Variants in UTP23 observed in about 807,000 individuals in gnomAD.
UTP23 encodes UTP23 small subunit processome component.
Under a neutral mutation model 19.8 loss-of-function variants are expected in UTP23, and 10 were observed. The observed-to-expected ratio is 0.50, with a 90% CI of 0.31 to 0.86. UTP23 has a LOEUF of 0.86. Ranked by LOEUF, UTP23 falls within the 40% of genes least tolerant of loss-of-function variation. The probability of loss-of-function intolerance (pLI) is 0.05; values close to 1 mark genes in which losing one functional copy is unlikely to be tolerated. For missense variants in UTP23, 282 were observed against 293.1 expected (o/e 0.96, Z 0.28); for synonymous variants, 108 against 105.4 (o/e 1.02, Z -0.15).
Position 116,766,529 on chromosome 8 carries a change from T to G in UTP23, c.-75T>G. 2.0e-6 allele frequency: 3 copies of G among 1,471,116 alleles called. No homozygotes were observed. The highest frequency in any genetic ancestry group is 2.7e-6 in the Non-Finnish European group (3 of 1,100,594). 91.1% of individuals were successfully genotyped at this position (1,471,116 alleles called of 1,614,324 possible). A position where few individuals can be genotyped will look rare whatever the true frequency, so the allele number is the denominator to read the frequency against. ...CTTCATTTCCGGGTGAAACTGGCATTGAGGGTACTGGGGCGTGCGTGAGGC... is the reference window on the plus strand; with the variant it reads ...CTTCATTTCCGGGTGAAACTGGCATGGAGGGTACTGGGGCGTGCGTGAGGC... On this transcript the variant is annotated 5_prime_UTR_variant, in exon 1 of 3. In the 5' UTR this introduces an upstream ATG that the reference lacks. Coordinates refer to ENST00000309822, the MANE Select transcript of UTP23 (RefSeq NM_032334.3).
rs763459131 is a variant in UTP23, at chr8:116,770,320, C to T, written c.317C>T (p.Ser106Phe). 5 of 1,613,844 alleles carry T rather than the reference C, an allele frequency of 3.1e-6. No homozygotes were observed. Among genetic ancestry groups the T allele is most frequent in the Non-Finnish European group, 4.2e-6 (5 of 1,179,810 alleles). Residue 106 changes from serine (S) to phenylalanine (F), a missense_variant, in exon 2 of 3, where the codon TCC becomes TTC. Physicochemically the swap from Ser to Phe is radical, Grantham distance 155. Coordinates refer to ENST00000309822, the MANE Select transcript of UTP23 (RefSeq NM_032334.3). ...NAVSGSECLL[S>F]MVEEGNPHHY... ...GTGAGTGGATCAGAATGTCTGCTTTCCATGGTTGAAGAGGGAAATCCTCAT... is the reference window on the plus strand; with the variant it reads ...GTGAGTGGATCAGAATGTCTGCTTTTCATGGTTGAAGAGGGAAATCCTCAT...
intron 1 of UTP23, among the ~76,000 whole-genome samples, chr8:116,769,794 G>A (rs1263667325): frequency 6.6e-6 from 1 of 152,162 alleles, no homozygotes; most frequent in Non-Finnish European, 1.5e-5. Context: ...CGCTATGGTT[G>A]GGACAAGGGA....
chr8:116,767,904 A>G (rs577678085), intron 1 of UTP23, among the ~76,000 whole-genome samples: 2 of 152,304 alleles, frequency 1.3e-5, no homozygotes, highest in Non-Finnish European at 1.5e-5. Context: ...AGTTCTTTAT[A>G]CACACTCACA....
At chr8:116,770,565 G>T in intron 2 of UTP23, 199 bp downstream of exon 2, 1 of 484,252 alleles carries the variant, frequency 2.1e-6, no homozygotes, top group Non-Finnish European at 3.5e-6. Context: ...CTTTTTAGTA[G>T]TGGAAGGTTG....
chr8:116,766,830 G>A (rs114745053), intron 1 of UTP23, 39 bp downstream of exon 1: 20 of 1,473,162 alleles, frequency 1.4e-5, no homozygotes, highest in Non-Finnish European at 1.7e-5. Context: ...CAGAGGGTCC[G>A]TCGGGTGTTG....
At chr8:116,770,031 C>A in intron 1 of UTP23, 161 bp from the exon 2 acceptor site, 1 of 627,188 alleles carries the variant, frequency 1.6e-6, no homozygotes, top group Non-Finnish European at 2.6e-6. Flanking sequence ...GTTCTTCCTA[C>A]TTGGTAAATG....
chr8:116,772,391 C>G lies in UTP23; in HGVS notation c.*549C>G, dbSNP rs1815669974. The G allele has an allele frequency of 1.0e-6, 1 of 966,608 alleles. No individual in the cohort carries two copies. Among genetic ancestry groups the G allele is most frequent in the Admixed American group, 6.2e-5 (1 of 16,236 alleles). 59.9% of individuals were successfully genotyped at this position (966,608 alleles called of 1,614,324 possible). On this transcript the variant is annotated 3_prime_UTR_variant, in exon 3 of 3. Coordinates refer to ENST00000309822, the MANE Select transcript of UTP23 (RefSeq NM_032334.3). Reference sequence around the variant, plus strand: ...AGAGGCAGTCCCTCTTTCACATTGACAGAAGAAACTTCCTCTTTCAATTCT... The same window carrying G: ...AGAGGCAGTCCCTCTTTCACATTGAGAGAAGAAACTTCCTCTTTCAATTCT...
rs1430697721 is a variant in UTP23, at chr8:116,766,686, T to A, written c.83T>A (p.Ile28Asn). 1.9e-6 allele frequency: 3 copies of A among 1,613,652 alleles called. No individual in the cohort carries two copies. The African/African-American group carries it at 4.0e-5, about 22-fold the overall frequency. Residue 28 changes from isoleucine (I) to asparagine (N), a missense_variant, in exon 1 of 3, where the codon ATC becomes AAC. Transcript: ENST00000309822. ...NNFGVREPYQILLDGTFCQAA... is the reference protein window; with the variant it reads ...NNFGVREPYQNLLDGTFCQAA... The stretch of plus-strand genomic sequence containing the variant: ...TTCGGAGTCCGCGAGCCGTACCAGA[T>A]CCTGCTGGACGGCACCTTCTGTCAG...
At chr8:116,768,791 A>G (rs1815616866) in intron 1 of UTP23, among the ~76,000 whole-genome samples, 1 of 152,132 alleles carries the variant, frequency 6.6e-6, no homozygotes, top group Admixed American at 6.6e-5. Context: ...CAGCCTCCCA[A>G]GTAGCTGAGA....
In UTP23 at chr8:116,774,204, TTAAAAA is replaced by T; in HGVS notation, c.*2366_*2371del. 2.0e-6 allele frequency: 2 copies of T among 985,468 alleles called. No homozygotes were observed. Among genetic ancestry groups the T allele is most frequent in the Non-Finnish European group, 2.4e-6 (2 of 829,940 alleles). The allele number at this position is 985,468 out of a possible 1,614,324, so 61.0% of individuals were successfully genotyped here. Reference sequence around the variant, plus strand: ...GAAGACCACTATCTTTTACGAACACTTAAAAATAAGTGTTTGCAGTTGTGTATGGGC... The same window carrying T: ...GAAGACCACTATCTTTTACGAACACTTAAGTGTTTGCAGTTGTGTATGGGC... On this transcript the variant is annotated 3_prime_UTR_variant, in exon 3 of 3. Coordinates refer to ENST00000309822, the MANE Select transcript of UTP23 (RefSeq NM_032334.3).
chr8:116,774,304 A>T lies in UTP23; in HGVS notation c.*2462A>T. 1 of 985,354 alleles carries T rather than the reference A, an allele frequency of 1.0e-6. No homozygotes were observed. The highest frequency in any genetic ancestry group is 1.7e-5 in the African/African-American group (1 of 57,340). 61.0% of individuals were successfully genotyped at this position (985,354 alleles called of 1,614,324 possible). ...CTTATCCCTGCAAGTATATAAATTA[A>T]AACCAAGTCACTTTAGAACAGCTTT... On this transcript the variant is annotated 3_prime_UTR_variant, in exon 3 of 3. Transcript: ENST00000309822.
At position 116,770,212 on chromosome 8, in the gene UTP23, A is replaced by G; in HGVS notation, c.209A>G (p.Glu70Gly). 1 of 1,611,372 alleles carries G rather than the reference A, an allele frequency of 6.2e-7. No homozygotes were observed. The highest frequency in any genetic ancestry group is 1.3e-5 in the African/African-American group (1 of 75,044). The change falls in exon 2 of 3, where the codon GAA becomes GGA. Residue 70 changes from glutamate to glycine, a missense_variant. Coordinates refer to ENST00000309822, the MANE Select transcript of UTP23 (RefSeq NM_032334.3). ...CTTRCVLKEL[E>G]TLGKDLYGAK... ...TTCAGATGTGTGTTAAAAGAGCTAG[A>G]AACATTGGGAAAGGACTTATATGGG...
chr8:116,768,317 A>G (rs906180200), intron 1 of UTP23, among the ~76,000 whole-genome samples: 2 of 152,218 alleles, frequency 1.3e-5, no homozygotes, highest in African/African-American at 4.8e-5. Context: ...CCTGTGTGCC[A>G]TAGAAATATT....
Position 116,770,420 on chromosome 8 carries a change from A to C in UTP23, c.363+54A>C. 3 of 1,507,686 alleles carry C rather than the reference A, an allele frequency of 2.0e-6. No individual in the cohort carries two copies. The South Asian group carries it at 3.9e-5, about 19-fold the overall frequency. 93.4% of individuals were successfully genotyped at this position (1,507,686 alleles called of 1,614,324 possible). A position where few individuals can be genotyped will look rare whatever the true frequency, so the allele number is the denominator to read the frequency against. ...TTTTCACCATTTCTATTTATACTTC[A>C]TATGGAGCTATTTATAATCAGAAAA... On this transcript the variant is annotated intron_variant, in intron 2 of 2. Transcript: ENST00000309822.
intron 1 of UTP23, among the ~76,000 whole-genome samples, chr8:116,767,881 G>A (rs1460135934): frequency 6.6e-6 from 1 of 152,168 alleles, no homozygotes. Context: ...AACATGTGCA[G>A]TGTCATCCAT....
intron 1 of UTP23, chr8:116,767,024 T>G: frequency 2.2e-6 from 1 of 450,576 alleles, no homozygotes; most frequent in Non-Finnish European, 3.9e-6. Flanking sequence ...TGAGAGCACA[T>G]TATAGCAGAG....
At chr8:116,770,403 A>T (rs781008574) in intron 2 of UTP23, 37 bp downstream of exon 2, 1 of 1,564,394 alleles carries the variant, frequency 6.4e-7, no homozygotes, top group African/African-American at 1.4e-5. Context: ...AATTTTCACC[A>T]TTTCTATTTA....
At chr8:116,770,406 T>C in intron 2 of UTP23, 40 bp downstream of exon 2, 1 of 1,566,250 alleles carries the variant, frequency 6.4e-7, no homozygotes, top group Non-Finnish European at 8.7e-7. Context: ...TTTCACCATT[T>C]CTATTTATAC....
intron 1 of UTP23, among the ~76,000 whole-genome samples, chr8:116,768,121 C>G (rs1196002854): frequency 6.6e-6 from 1 of 152,180 alleles, no homozygotes; most frequent in African/African-American, 2.4e-5. Context: ...TCCTTTTCCT[C>G]ACATACGATT....
Sources: gnomAD v4.1 joint callset for allele counts (sites outside exome capture counted in the v4.1 genomes callset) on GRCh38, gnomAD v4.1.1 for gene constraint, MANE v1.5 for transcripts, NCBI Gene and HGNC (gene_info 2026-07-23, HGNC 2026-07-21) for gene names.